COL4A1: variants seen among roughly 807,000 people sequenced by gnomAD.
COL4A1 encodes the protein collagen alpha-1(IV) chain.
A neutral mutation model predicts 216.6 loss-of-function variants in COL4A1; 40 were observed. The ratio of observed to expected loss-of-function variants is 0.18; its 90% CI spans 0.14 to 0.24. The LOEUF (loss-of-function observed/expected upper bound fraction) is 0.24. Ranked by LOEUF, COL4A1 falls within the 10% of genes least tolerant of loss-of-function variation. The pLI, the probability that COL4A1 is intolerant of heterozygous loss-of-function variation, is 1.00. For synonymous variants in COL4A1, 839 were observed against 810.7 expected (o/e 1.03, Z -0.59); for missense variants, 1,628 against 2,196.8 (o/e 0.74, Z 5.18).
In COL4A1 at chr13:110,211,999, C is replaced by G; in HGVS notation, c.388-77G>C. On this transcript the variant is annotated intron_variant, in intron 6 of 51. Coordinates refer to ENST00000375820, the MANE Select transcript of COL4A1 (RefSeq NM_001845.6). This position sits in a 1 kb window ranked among gnomAD's most constrained non-coding sequence, Gnocchi z 4.3. The stretch of plus-strand genomic sequence containing the variant: ...CAGCCCTGACATCGCATGCATCACT[C>G]TGCCCTACCCTTCATTTGTTGGTTA... 7.4e-7 allele frequency: 1 copy of G among 1,351,230 alleles called. No homozygotes were observed. Among genetic ancestry groups the G allele is most frequent in the Non-Finnish European group, 1.1e-6 (1 of 941,528 alleles). 83.7% of individuals were successfully genotyped at this position (1,351,230 alleles called of 1,614,324 possible).
chr13:110,162,126 C>T (rs1045694447), intron 48 of COL4A1, 104 bp downstream of exon 48: 15 of 1,076,242 alleles, frequency 1.4e-5, no homozygotes, highest in Middle Eastern at 2.0e-4. Flanking sequence ...GTGTTTCACT[C>T]GCTACTGCCC....
chr13:110,288,909 G>A (rs1445562195), intron 1 of COL4A1, among the ~76,000 whole-genome samples: 1 of 152,202 alleles, frequency 6.6e-6, no homozygotes, highest in Non-Finnish European at 1.5e-5. Context: ...GCGCACGCCT[G>A]TAATCCCAGC....
At chr13:110,166,442 C>G in intron 44 of COL4A1, 139 bp from the exon 45 acceptor site, 1 of 729,334 alleles carries the variant, frequency 1.4e-6, no homozygotes, top group Non-Finnish European at 2.5e-6. Context: ...CACATATACT[C>G]ATATATGCAT....
chr13:110,211,053 T>A lies in COL4A1; in HGVS notation c.468+594A>T, dbSNP rs544653995. 1.3e-5 allele frequency among the ~76,000 whole-genome samples: 2 copies of A among 152,280 alleles called. No individual in the cohort carries two copies. The highest frequency in any genetic ancestry group is 3.9e-4 in the East Asian group (2 of 5,182). On this transcript the variant is annotated intron_variant, in intron 8 of 51. Transcript: ENST00000375820. The surrounding 1 kb of genome is among the most constrained non-coding windows in gnomAD (Gnocchi z 4.3). ...CTAACACACAGGGCTATTATGAGGATCTATTTCCTACGTGTTCTGAATCAC... is the reference window on the plus strand; with the variant it reads ...CTAACACACAGGGCTATTATGAGGAACTATTTCCTACGTGTTCTGAATCAC...
At chr13:110,217,779 TAA>T (rs1316520510) in intron 2 of COL4A1, among the ~76,000 whole-genome samples, 1 of 152,124 alleles carries the variant, frequency 6.6e-6, no homozygotes, top group Non-Finnish European at 1.5e-5. Flanking sequence ...CCATTGTCTA[TAA>T]AGATGAAAGA....
chr13:110,245,848 GACC>G (rs1881783881), intron 1 of COL4A1, among the ~76,000 whole-genome samples: 1 of 152,140 alleles, frequency 6.6e-6, no homozygotes, highest in Non-Finnish European at 1.5e-5. Flanking sequence ...TTACCCTGGG[GACC>G]ACTTCAGGTA....
At chr13:110,302,150 G>A (rs985369239) in intron 1 of COL4A1, among the ~76,000 whole-genome samples, 52 of 152,288 alleles carry the variant, frequency 3.4e-4, no homozygotes, top group African/African-American at 1.3e-3. Flanking sequence ...AGGAGACTTT[G>A]TGACTGAGCA....
chr13:110,155,176 G>T, intron 50 of COL4A1, 107 bp downstream of exon 50: 1 of 818,720 alleles, frequency 1.2e-6, no homozygotes, highest in Non-Finnish European at 2.1e-6. Context: ...AGGGGCTTAA[G>T]CAGCGAGATG....
chr13:110,270,526 C>G lies in COL4A1; in HGVS notation c.85-27792G>C, dbSNP rs895952136. Reference sequence around the variant, plus strand: ...TATTGTATTATCTCACTTGTTCTCACAACAACCATTGTAGGGTTAATCATT... The same window carrying G: ...TATTGTATTATCTCACTTGTTCTCAGAACAACCATTGTAGGGTTAATCATT... On this transcript the variant is annotated intron_variant, in intron 1 of 51. Transcript: ENST00000375820. Among the ~76,000 whole-genome samples the G allele has an allele frequency of 2.6e-5, 4 of 152,320 alleles. No homozygotes were observed. In the East Asian group the frequency reaches 7.7e-4, roughly 29 times the overall value.
intron 1 of COL4A1, among the ~76,000 whole-genome samples, chr13:110,251,877 G>A (rs1882089238): frequency 6.6e-6 from 1 of 152,152 alleles, no homozygotes; most frequent in African/African-American, 2.4e-5. Flanking sequence ...AGTCTTCTCC[G>A]CCTTAATTCT....
At chr13:110,154,195 A>G (rs1876655143) in intron 50 of COL4A1, among the ~76,000 whole-genome samples, 1 of 152,222 alleles carries the variant, frequency 6.6e-6, no homozygotes, top group Admixed American at 6.5e-5. Context: ...GTGTAGGGTC[A>G]TTTACTGGGA....
At chr13:110,266,628 C>T (rs1883047907) in intron 1 of COL4A1, among the ~76,000 whole-genome samples, 1 of 152,126 alleles carries the variant, frequency 6.6e-6, no homozygotes, top group Non-Finnish European at 1.5e-5. Flanking sequence ...GCACAGTGAG[C>T]GTGCACTGGA....
intron 2 of COL4A1, among the ~76,000 whole-genome samples, chr13:110,222,641 C>T (rs1040696329): frequency 2.7e-5 from 4 of 146,206 alleles, no homozygotes; most frequent in African/African-American, 5.0e-5. Context: ...GGTGTGGTGG[C>T]GGGCACCTGT....
Position 110,160,472 on chromosome 13 carries a change from A to G in COL4A1, c.4640+720T>C, listed in dbSNP as rs759113882. ...CTCAAAAAAAAAAAAAAAAATTCAT[A>G]GGGGCAGGGATGATTCAGAAAACAA... On this transcript the variant is annotated intron_variant, in intron 49 of 51. Coordinates refer to ENST00000375820, the MANE Select transcript of COL4A1 (RefSeq NM_001845.6). 8.9e-4 allele frequency among the ~76,000 whole-genome samples: 134 copies of G among 149,854 alleles called. 4 individuals are homozygous for G. Among genetic ancestry groups the G allele is most frequent in the Admixed American group, 1.7e-3 (26 of 15,016 alleles).
At chr13:110,174,865 C>T (rs1457979791) in intron 37 of COL4A1, 116 bp from the exon 38 acceptor site, 6 of 1,052,712 alleles carry the variant, frequency 5.7e-6, no homozygotes, top group Non-Finnish European at 8.9e-6. Flanking sequence ...TGCAAAACTC[C>T]ATTTCCAGAT....
At chr13:110,270,481 C>A (rs953868107) in intron 1 of COL4A1, among the ~76,000 whole-genome samples, 2 of 152,192 alleles carry the variant, frequency 1.3e-5, no homozygotes, top group African/African-American at 4.8e-5. Context: ...TTTCTAGTTT[C>A]TCTTGCTGTT....
rs922831137 is a variant in COL4A1, at chr13:110,170,509, C to T, written c.3742+38G>A. The T allele has an allele frequency of 5.1e-6, 8 of 1,561,416 alleles. No individual in the cohort carries two copies. The African/African-American group carries it at 9.5e-5, about 19-fold the overall frequency. On this transcript the variant is annotated intron_variant, in intron 42 of 51. Coordinates refer to ENST00000375820, the MANE Select transcript of COL4A1 (RefSeq NM_001845.6). ...GCTATTTCCTTTTGTGAATTCTGTC[C>T]CAGTCCTCAGCCCTGGCCCCTGGCG...
chr13:110,229,833 A>G (rs1288892557), intron 2 of COL4A1, among the ~76,000 whole-genome samples: 1 of 152,202 alleles, frequency 6.6e-6, no homozygotes, highest in Non-Finnish European at 1.5e-5. Context: ...GGGGAGACTA[A>G]GAGGAAAAGA....
chr13:110,198,823 C>T (rs1415287532), intron 20 of COL4A1, among the ~76,000 whole-genome samples, 192 bp from the exon 21 acceptor site: 1 of 152,188 alleles, frequency 6.6e-6, no homozygotes, highest in Non-Finnish European at 1.5e-5. Flanking sequence ...TCAAATGTTT[C>T]CTACAAATTA....
Sources: allele counts gnomAD v4.1 joint callset (sites outside exome capture counted in the v4.1 genomes callset), GRCh38; gene constraint gnomAD v4.1.1; non-coding constraint Gnocchi (gnomAD v3.1); transcripts MANE v1.5; gene names NCBI Gene and HGNC (gene_info 2026-07-23, HGNC 2026-07-21).